FAM120B: variants seen among roughly 807,000 people sequenced by gnomAD.
The protein encoded by FAM120B is constitutive coactivator of peroxisome proliferator-activated receptor gamma.
In FAM120B, 83 loss-of-function variants were observed where a neutral mutation model predicts 96.3. The ratio of observed to expected loss-of-function variants is 0.86; its 90% CI spans 0.72 to 1.03. FAM120B has a LOEUF of 1.03. Among genes scored for constraint, FAM120B ranks in the 50% least tolerant of loss-of-function variants. The pLI is 0.00. For missense variants in FAM120B, 1,027 were observed against 1,121.2 expected (o/e 0.92, Z 1.20); for synonymous variants, 407 against 402.7 (o/e 1.01, Z -0.13).
upstream of FAM120B, among the ~76,000 whole-genome samples, chr6:170,294,312 G>A (rs749663980): frequency 2.6e-5 from 4 of 152,182 alleles, no homozygotes; most frequent in Admixed American, 6.5e-5. The surrounding 1 kb of genome is among the most constrained non-coding windows in gnomAD (Gnocchi z 7.9). Flanking sequence ...GCTCATTAGG[G>A]CTTAGAAGGC....
chr6:170,400,464 CTG>C (rs1778505033), intron 9 of FAM120B, among the ~76,000 whole-genome samples: 2 of 152,098 alleles, frequency 1.3e-5, no homozygotes, highest in Non-Finnish European at 2.9e-5. Context: ...CAGAGGCGGC[CTG>C]CTGTGGTAGC....
At chr6:170,397,516 C>T (rs1778239239) in intron 9 of FAM120B, among the ~76,000 whole-genome samples, 1 of 152,036 alleles carries the variant, frequency 6.6e-6, no homozygotes, top group African/African-American at 2.4e-5. Flanking sequence ...GGAGTCCACC[C>T]CGACCGAGAA....
intron 9 of FAM120B, among the ~76,000 whole-genome samples, chr6:170,401,357 G>A (rs775714643): frequency 1.2e-4 from 18 of 152,178 alleles, no homozygotes; most frequent in Admixed American, 3.3e-4. Context: ...TGAGGAGAGA[G>A]CCCTCAGATG....
chr6:170,340,805 C>T (rs1399815162), intron 4 of FAM120B, among the ~76,000 whole-genome samples: 1 of 152,008 alleles, frequency 6.6e-6, no homozygotes, highest in African/African-American at 2.4e-5. Context: ...TGCCTGGTAT[C>T]ACCAGCGGAG....
At chr6:170,346,896 A>G (rs1440958328) in intron 4 of FAM120B, among the ~76,000 whole-genome samples, 1 of 152,158 alleles carries the variant, frequency 6.6e-6, no homozygotes, top group African/African-American at 2.4e-5. Context: ...ACTCATCTCT[A>G]TCTTAAGTAC....
At chr6:170,361,198 G>GTATATATATATATATATATATA (rs71010657) in intron 6 of FAM120B, among the ~76,000 whole-genome samples, 2 of 66,038 alleles carry the variant, frequency 3.0e-5, no homozygotes, top group Non-Finnish European at 2.8e-5. Context: ...ATATATACGT[G>GTATATATATATATATATATATA]TATATATATA....
In FAM120B at chr6:170,317,297, G is replaced by C. The variant is rs1440970263; in HGVS notation, c.-21-73G>C. On this transcript the variant is annotated intron_variant, in intron 1 of 10. Transcript: ENST00000476287. ...GGAAACAGTGTGAATATTAACTACT[G>C]TGTTTGCTTTGAAAGGTGCCATATA... The C allele has an allele frequency of 3.4e-6, 4 of 1,173,800 alleles. No homozygotes were observed. The East Asian group carries it at 9.4e-5, about 28-fold the overall frequency. 72.7% of individuals were successfully genotyped at this position (1,173,800 alleles called of 1,614,324 possible). A position where few individuals can be genotyped will look rare whatever the true frequency, so the allele number is the denominator to read the frequency against.
chr6:170,327,947 G>A (rs759588853), intron 3 of FAM120B, among the ~76,000 whole-genome samples: 4 of 152,170 alleles, frequency 2.6e-5, no homozygotes, highest in Non-Finnish European at 5.9e-5. Context: ...GTGAGCGAGT[G>A]GGAAGTGAAT....
In FAM120B at chr6:170,317,446, C is replaced by G; in HGVS notation, c.56C>G (p.Thr19Arg). The G allele has an allele frequency of 1.2e-6, 2 of 1,614,122 alleles. No individual in the cohort carries two copies. Among genetic ancestry groups the G allele is most frequent in the Non-Finnish European group, 1.7e-6 (2 of 1,180,016 alleles). ...FVGSTCPHIC[T>R]VVNFKELAEH... ...GGAAGTACCTGCCCACATATATGTA[C>G]AGTAGTAAATTTCAAAGAACTGGCA... Residue 19 changes from threonine to arginine, a missense_variant, in exon 2 of 11, where the codon ACA becomes AGA. Thr to Arg is a moderately conservative substitution (Grantham distance 71). This residue lies in a region of FAM120B where 880 missense variants were observed against 980.9 expected (regional missense o/e 0.90). Transcript: ENST00000476287.
rs1202963788 is a variant in FAM120B at position 170,405,753 on chromosome 6, C to A, written c.*1002C>A. On this transcript the variant is annotated 3_prime_UTR_variant, in exon 11 of 11. Transcript: ENST00000476287. ...TGCCTGGAGGGTTCTGCCTGGGAGA[C>A]ATGACAGCATGTGTGTGACTCCTGT... 2.6e-5 allele frequency: 4 copies of A among 152,202 alleles called. No individual in the cohort carries two copies. The highest frequency in any genetic ancestry group is 2.4e-5 in the African/African-American group (1 of 41,462). 9.4% of individuals were successfully genotyped at this position (152,202 alleles called of 1,614,324 possible).
At chr6:170,309,170 A>T (rs1295207961) in intron 1 of FAM120B, among the ~76,000 whole-genome samples, 2 of 152,236 alleles carry the variant, frequency 1.3e-5, no homozygotes, top group Non-Finnish European at 2.9e-5. Context: ...AAATGCCACC[A>T]GTTATTTTTA....
At chr6:170,301,730 G>A (rs746867855) in intron 1 of FAM120B, among the ~76,000 whole-genome samples, 1 of 152,174 alleles carries the variant, frequency 6.6e-6, no homozygotes, top group African/African-American at 2.4e-5. Context: ...CATTCTCTTT[G>A]CTAAAGCATA....
intron 4 of FAM120B, among the ~76,000 whole-genome samples, chr6:170,334,006 G>A (rs561585286): frequency 2.8e-4 from 42 of 152,144 alleles, no homozygotes; most frequent in African/African-American, 8.9e-4. Context: ...CTTTCCTGAC[G>A]TTCTCCATTC....
chr6:170,357,166 C>G (rs1480153876), intron 5 of FAM120B, among the ~76,000 whole-genome samples: 1 of 152,158 alleles, frequency 6.6e-6, no homozygotes, highest in African/African-American at 2.4e-5. Context: ...TTCCGCGAGC[C>G]TTTACTTGCC....
intron 4 of FAM120B, among the ~76,000 whole-genome samples, chr6:170,339,702 C>T (rs544818624): frequency 4.0e-5 from 6 of 150,590 alleles, no homozygotes; most frequent in Non-Finnish European, 8.8e-5. Context: ...TCACTTGAGC[C>T]TGGGAGGCAG....
chr6:170,343,883 C>T lies in FAM120B; in HGVS notation c.2018-4268C>T, dbSNP rs574569110. Among the ~76,000 whole-genome samples, 98 of 152,270 alleles carry T rather than the reference C, an allele frequency of 6.4e-4. 4 individuals carry two copies. The highest frequency in any genetic ancestry group is 8.8e-5 in the Non-Finnish European group (6 of 68,044). ...TCACTAGTATGTCACTTACGTGTCA[C>T]GGCCTCTGAAGACTGAGAACCGATG... On this transcript the variant is annotated intron_variant, in intron 4 of 10. Transcript: ENST00000476287.
At position 170,404,543 on chromosome 6, in the gene FAM120B, AC is replaced by A; in HGVS notation, c.2693-6del. ...CTTACTTTGGTTTTCATGTCTGTTT[AC>A]TGCAGGAAGCAGACAGTATGAGCAT... On this transcript the variant is annotated splice_polypyrimidine_tract_variant and splice_region_variant and intron_variant, in intron 9 of 10. Transcript: ENST00000476287. 6.2e-7 allele frequency: 1 copy of A among 1,613,314 alleles called. No homozygotes were observed. Among genetic ancestry groups the A allele is most frequent in the Middle Eastern group, 1.7e-4 (1 of 6,060 alleles).
chr6:170,309,882 A>T (rs1784488002), intron 1 of FAM120B, among the ~76,000 whole-genome samples: 1 of 152,224 alleles, frequency 6.6e-6, no homozygotes, highest in Non-Finnish European at 1.5e-5. Context: ...GCTGAATGTG[A>T]TGTAAACTTT....
chr6:170,363,245 G>A lies in FAM120B; in HGVS notation c.2283+4927G>A, dbSNP rs925187078. Among the ~76,000 whole-genome samples the A allele has an allele frequency of 1.8e-4, 28 of 152,298 alleles. No individual in the cohort carries two copies. The highest frequency in any genetic ancestry group is 3.2e-4 in the Non-Finnish European group (22 of 68,026). On this transcript the variant is annotated intron_variant, in intron 6 of 10. Transcript: ENST00000476287. This position sits in a 1 kb window ranked among gnomAD's most constrained non-coding sequence, Gnocchi z 4.5. The stretch of plus-strand genomic sequence containing the variant: ...TAGCCACTTTTTCTAGTGCCTCATA[G>A]CTAATCATTGGGAAGTTCTTGGTCA...
Sources: gnomAD v4.1 joint callset for allele counts (sites outside exome capture counted in the v4.1 genomes callset) on GRCh38, gnomAD v4.1.1 for gene constraint, gnomAD v4.1.1 regional missense constraint, Gnocchi (gnomAD v3.1) non-coding constraint, MANE v1.5 for transcripts, NCBI Gene and HGNC (gene_info 2026-07-23, HGNC 2026-07-21) for gene names.